CPHXL2: variants seen among roughly 807,000 people sequenced by gnomAD.
CPHXL2 encodes the protein cytoplasmic polyadenylated homeobox like 2, also known as cytoplasmic polyadenylated homeobox-like protein 2.
chr16:75,674,601 A>C, the CPHXL2 span, among the ~76,000 whole-genome samples: 1 of 152,296 alleles, frequency 6.6e-6, no homozygotes, highest in South Asian at 2.1e-4. Context: ...CTGATCTTAA[A>C]ATTCATATGA....
At chr16:75,674,056 A>G in the CPHXL2 span, among the ~76,000 whole-genome samples, 1 of 151,578 alleles carries the variant, frequency 6.6e-6, no homozygotes, top group African/African-American at 2.4e-5. Context: ...ATACTTATGA[A>G]TAACTTTAAC....
At chr16:75,668,471 C>T in the CPHXL2 span, among the ~76,000 whole-genome samples, 1 of 152,148 alleles carries the variant, frequency 6.6e-6, no homozygotes. Flanking sequence ...TCGTGATTCG[C>T]CCACTGTGGC....
chr16:75,669,747 C>A, the CPHXL2 span, among the ~76,000 whole-genome samples: 14 of 152,174 alleles, frequency 9.2e-5, no homozygotes. Flanking sequence ...TGGGCCAGAT[C>A]CAGCCAGTTG....
the CPHXL2 span, among the ~76,000 whole-genome samples, chr16:75,666,434 A>G: frequency 6.6e-6 from 1 of 151,892 alleles, no homozygotes; most frequent in Non-Finnish European, 1.5e-5. Flanking sequence ...AGCCTGGCCA[A>G]TAAGTCTCTA....
the CPHXL2 span, among the ~76,000 whole-genome samples, chr16:75,674,846 A>G: frequency 2.0e-5 from 3 of 151,388 alleles, no homozygotes; most frequent in East Asian, 6.0e-4. Flanking sequence ...AATAGCTGGG[A>G]GTACTGGCGC....
chr16:75,673,075 C>CAAAAAAAAAAA, the CPHXL2 span, among the ~76,000 whole-genome samples: 1 of 73,166 alleles, frequency 1.4e-5, no homozygotes, highest in Non-Finnish European at 2.5e-5. Flanking sequence ...GACCTTGTCT[C>CAAAAAAAAAAA]AAAAAAAAAA....
At chr16:75,670,007 T>C in the CPHXL2 span, among the ~76,000 whole-genome samples, 5 of 152,148 alleles carry the variant, frequency 3.3e-5, no homozygotes, top group African/African-American at 4.8e-5. Context: ...CTCTGCCTCC[T>C]GGGTTCAAGC....
the CPHXL2 span, among the ~76,000 whole-genome samples, chr16:75,673,473 A>G: frequency 6.6e-6 from 1 of 152,150 alleles, no homozygotes; most frequent in African/African-American, 2.4e-5. Context: ...AATTAAAAAA[A>G]AAGTCTGACT....
At chr16:75,661,668 C>T in the CPHXL2 span, among the ~76,000 whole-genome samples, 1 of 151,994 alleles carries the variant, frequency 6.6e-6, no homozygotes, top group Non-Finnish European at 1.5e-5. Flanking sequence ...TCATGCTCTT[C>T]CACCAGGAAG....
chr16:75,669,335 A>G, the CPHXL2 span: 1 of 400,452 alleles, frequency 2.5e-6, no homozygotes. Flanking sequence ...AAAAAATCTA[A>G]GAAACATGCA....
the CPHXL2 span, among the ~76,000 whole-genome samples, chr16:75,670,067 A>G: frequency 2.0e-5 from 3 of 152,134 alleles, no homozygotes; most frequent in African/African-American, 7.2e-5. Flanking sequence ...GGCACCTGCC[A>G]CTACGCCCAG....
the CPHXL2 span, among the ~76,000 whole-genome samples, chr16:75,672,355 G>T: frequency 6.6e-6 from 1 of 152,042 alleles, no homozygotes; most frequent in South Asian, 2.1e-4. Context: ...GTAGGACAGA[G>T]CAAGTGAATA....
chr16:75,669,530 T>A, the CPHXL2 span: 33 of 398,904 alleles, frequency 8.3e-5, no homozygotes, highest in Non-Finnish European at 1.2e-4. Context: ...CTTTCTTCAT[T>A]ATGATGATCC....
the CPHXL2 span, among the ~76,000 whole-genome samples, chr16:75,672,304 T>C: frequency 6.6e-6 from 1 of 151,884 alleles, no homozygotes; most frequent in Non-Finnish European, 1.5e-5. Context: ...ATTTCCTTGA[T>C]TGGCATTGGT....
chr16:75,664,635 A>AG, the CPHXL2 span, among the ~76,000 whole-genome samples: 1 of 150,816 alleles, frequency 6.6e-6, no homozygotes, highest in Admixed American at 6.6e-5. Context: ...CAAAAAAAAA[A>AG]AAAAAAAGAA....
the CPHXL2 span, among the ~76,000 whole-genome samples, chr16:75,674,372 C>CAAA: frequency 9.5e-3 from 467 of 49,238 alleles, 1 homozygote; most frequent in Non-Finnish European, 0.012. Flanking sequence ...GACTCCGTCT[C>CAAA]AAAAAAAAAA....
the CPHXL2 span, among the ~76,000 whole-genome samples, chr16:75,670,209 G>A: frequency 5.9e-5 from 9 of 151,972 alleles, no homozygotes; most frequent in Non-Finnish European, 1.5e-5. Context: ...CCACCGCGCC[G>A]GCTGAGAATT....
the CPHXL2 span, among the ~76,000 whole-genome samples, chr16:75,668,307 C>T: frequency 6.6e-6 from 1 of 150,856 alleles, no homozygotes; most frequent in African/African-American, 2.4e-5. Context: ...CTGCTCGCTG[C>T]AGCCTCTGCC....
chr16:75,669,275 C>A, the CPHXL2 span: 8 of 396,316 alleles, frequency 2.0e-5, no homozygotes, highest in Admixed American at 3.6e-4. Flanking sequence ...GTGATCGCTC[C>A]ATTGCACTCC....
Sources: allele counts gnomAD v4.1 joint callset (sites outside exome capture counted in the v4.1 genomes callset), GRCh38; gene constraint gnomAD v4.1.1; transcripts MANE v1.5; gene names NCBI Gene and HGNC (gene_info 2026-07-23, HGNC 2026-07-21).